The following CATIP variants were observed in gnomAD, a reference collection of about 807,000 sequenced individuals.
CATIP encodes the protein ciliogenesis associated TTC17 interacting protein, also known as ciliogenesis-associated TTC17-interacting protein.
Under a neutral mutation model 42.5 loss-of-function variants are expected in CATIP, and 40 were observed. The observed-to-expected ratio is 0.94, with a 90% CI of 0.73 to 1.22. The LOEUF is 1.22. Among genes scored for constraint, CATIP ranks in the 50% most tolerant of loss-of-function variants. The probability of loss-of-function intolerance (pLI) is 0.00; values close to 1 mark genes in which losing one functional copy is unlikely to be tolerated. For synonymous variants in CATIP, 222 were observed against 200.2 expected, an observed-to-expected ratio of 1.11 and a Z score of -0.92; for missense variants, 489 against 496.0, an observed-to-expected ratio of 0.99 and a Z score of 0.13.
rs955060857 is a variant in CATIP at position 218,364,813 on chromosome 2, C to T, written c.755+61C>T. On this transcript the variant is annotated intron_variant, in intron 7 of 9. Coordinates refer to ENST00000289388, the MANE Select transcript of CATIP (RefSeq NM_198559.2). Reference sequence around the variant, plus strand: ...TGAGCTTGTAGGTGCTCAAGGAGACCGGCTGCTTCTGGGGATAGCACCAGG... The same window carrying T: ...TGAGCTTGTAGGTGCTCAAGGAGACTGGCTGCTTCTGGGGATAGCACCAGG... The T allele has an allele frequency of 1.0e-5, 16 of 1,556,572 alleles. No individual in the cohort carries two copies. In the Admixed American group the frequency reaches 1.1e-4, roughly 11 times the overall value.
chr2:218,364,365 C>CA (rs1239789386), intron 6 of CATIP, among the ~76,000 whole-genome samples: 4 of 152,040 alleles, frequency 2.6e-5, no homozygotes, highest in African/African-American at 9.7e-5. Context: ...CCCACACCCC[C>CA]CCGCATACCG....
At chr2:218,360,924 G>A (rs1263716414) in intron 5 of CATIP, among the ~76,000 whole-genome samples, 9 of 149,480 alleles carry the variant, frequency 6.0e-5, no homozygotes, top group East Asian at 4.1e-4. Context: ...GCCACCTCCC[G>A]GGTTCAAGTG....
rs1695275947 is a variant in CATIP at position 218,362,649 on chromosome 2, C to A, written c.463-86C>A. 8 of 1,347,602 alleles carry A rather than the reference C, an allele frequency of 5.9e-6. No homozygotes were observed. In the South Asian group the frequency reaches 9.7e-5, roughly 16 times the overall value. The allele number at this position is 1,347,602 out of a possible 1,614,324, so 83.5% of individuals were successfully genotyped here. ...ACTCTGTCTCAAAAAAAAACAAAAC[C>A]GTATGCCCAACACCTGGCTTGCCCA... On this transcript the variant is annotated intron_variant, in intron 5 of 9. Transcript: ENST00000289388.
In CATIP at chr2:218,357,477, T is replaced by C. The variant is rs146310684; in HGVS notation, c.119-57T>C. 3.6e-4 allele frequency: 521 copies of C among 1,465,106 alleles called. 3 individuals carry two copies. The African/African-American group carries it at 6.6e-3, about 19-fold the overall frequency. 90.8% of individuals were successfully genotyped at this position (1,465,106 alleles called of 1,614,324 possible). On this transcript the variant is annotated intron_variant, in intron 2 of 9. Transcript: ENST00000289388. The stretch of plus-strand genomic sequence containing the variant: ...CACTGGTGGTCATGGGGTCAGAGGA[T>C]TGGATTGGGGCCCAGGAGCAGGGGC...
chr2:218,357,663 C>T lies in CATIP; in HGVS notation c.248C>T (p.Thr83Ile). 6.2e-7 allele frequency: 1 copy of T among 1,614,100 alleles called. No individual in the cohort carries two copies. The highest frequency in any genetic ancestry group is 1.1e-5 in the South Asian group (1 of 91,084). ...GKYQEKLGML[T>I]YCLFVHASSR... ...TACCAGGAAAAACTCGGCATGCTGACATACTGCCTCTTCGTGCATGCCTCT... is the reference window on the plus strand; with the variant it reads ...TACCAGGAAAAACTCGGCATGCTGATATACTGCCTCTTCGTGCATGCCTCT... The change falls in exon 3 of 10, where the codon ACA becomes ATA. Residue 83 changes from threonine (T) to isoleucine (I), a missense_variant. Thr to Ile is a moderately conservative substitution (Grantham distance 89). Transcript: ENST00000289388.
rs766727795 is a variant in CATIP at position 218,358,087 on chromosome 2, A to T, written c.370A>T (p.Ile124Phe). ...CATGGAACAGCACAGCCAAGACTTC[A>T]TCAAGGTACTTCCCAGGGCCCCAGC... ...ELMEQHSQDF[I>F]KFLILPMERK... The change falls in exon 4 of 10, where the codon ATC becomes TTC. Residue 124 changes from isoleucine to phenylalanine, a missense_variant. Coordinates refer to ENST00000289388, the MANE Select transcript of CATIP (RefSeq NM_198559.2). 6.2e-7 allele frequency: 1 copy of T among 1,613,890 alleles called. No homozygotes were observed. The highest frequency in any genetic ancestry group is 1.1e-5 in the South Asian group (1 of 91,052).
intron 5 of CATIP, among the ~76,000 whole-genome samples, chr2:218,361,073 C>T (rs536694747): frequency 2.0e-5 from 3 of 152,160 alleles, no homozygotes; most frequent in African/African-American, 7.2e-5. Context: ...TCAGGTGATC[C>T]GCCCGCCTCA....
chr2:218,363,981 A>G (rs1695333852), intron 6 of CATIP, among the ~76,000 whole-genome samples: 2 of 152,078 alleles, frequency 1.3e-5, no homozygotes, highest in South Asian at 2.1e-4. Flanking sequence ...ACTTCCTGCA[A>G]TCAGTGATTT....
intron 3 of CATIP, 83 bp downstream of exon 3, chr2:218,357,817 G>A: frequency 6.8e-7 from 1 of 1,463,262 alleles, no homozygotes; most frequent in Admixed American, 1.7e-5. Flanking sequence ...CTTTTTTCAG[G>A]ACCAAGCCCT....
chr2:218,363,914 TC>T (rs1695331326), intron 6 of CATIP, among the ~76,000 whole-genome samples: 1 of 152,234 alleles, frequency 6.6e-6, no homozygotes, highest in South Asian at 2.1e-4. Context: ...CAAAGGGTGT[TC>T]CGTTTTTGTT....
At chr2:218,357,936 C>A in intron 3 of CATIP, 101 bp from the exon 4 acceptor site, 1 of 1,197,484 alleles carries the variant, frequency 8.4e-7, no homozygotes, top group Non-Finnish European at 1.2e-6. Flanking sequence ...TTTTCTGGGA[C>A]CGTATTACAC....
At position 218,360,595 on chromosome 2, in the gene CATIP, G is replaced by C; in HGVS notation, c.398G>C (p.Arg133Pro). The C allele has an allele frequency of 6.2e-7, 1 of 1,613,888 alleles. No individual in the cohort carries two copies. The highest frequency in any genetic ancestry group is 8.5e-7 in the Non-Finnish European group (1 of 1,179,962). Residue 133 changes from arginine (R) to proline (P), a missense_variant, in exon 5 of 10, where the codon CGG becomes CCG. Arg to Pro is a moderately radical substitution (Grantham distance 103). Transcript: ENST00000289388. ...CAGTTCCTCATCCTCCCCATGGAACGGAAGATGAGTTTGCTGAAGCAGGAT... is the reference window on the plus strand; with the variant it reads ...CAGTTCCTCATCCTCCCCATGGAACCGAAGATGAGTTTGCTGAAGCAGGAT... ...FIKFLILPME[R>P]KMSLLKQDDQ... is the part of the protein sequence containing the mutation.
chr2:218,364,217 T>C (rs1295839247), intron 6 of CATIP, among the ~76,000 whole-genome samples: 1 of 152,202 alleles, frequency 6.6e-6, no homozygotes, highest in Non-Finnish European at 1.5e-5. Context: ...AACAGGGGTT[T>C]AAGTTTTAAT....
intron 2 of CATIP, 43 bp from the exon 3 acceptor site, chr2:218,357,491 A>T: frequency 6.5e-7 from 1 of 1,549,506 alleles, no homozygotes; most frequent in Non-Finnish European, 8.9e-7. Context: ...ATTGGGGCCC[A>T]GGAGCAGGGG....
intron 4 of CATIP, among the ~76,000 whole-genome samples, chr2:218,359,607 G>C (rs561187318): frequency 1.3e-5 from 2 of 152,072 alleles, no homozygotes; most frequent in African/African-American, 4.8e-5. Flanking sequence ...AGGAGGGCTG[G>C]TGTGGGCTGG....
chr2:218,363,889 ATT>A (rs1695330332), intron 6 of CATIP, among the ~76,000 whole-genome samples: 1 of 152,128 alleles, frequency 6.6e-6, no homozygotes, highest in Non-Finnish European at 1.5e-5. Flanking sequence ...ATATTCCTTT[ATT>A]ATTTCTTAAC....
chr2:218,364,438 G>C (rs1695353086), intron 6 of CATIP, among the ~76,000 whole-genome samples, 190 bp from the exon 7 acceptor site: 1 of 152,212 alleles, frequency 6.6e-6, no homozygotes, highest in Non-Finnish European at 1.5e-5. Context: ...TGACATGGGA[G>C]GGGTCAGGGC....
intron 9 of CATIP, 91 bp from the exon 10 acceptor site, chr2:218,367,631 C>A (rs7608923): frequency 0.58 from 915,677 of 1,589,474 alleles, 268,118 homozygotes; most frequent in East Asian, 0.68. Flanking sequence ...AAGGCTCCAG[C>A]GCCCCTTAGC....
intron 8 of CATIP, 153 bp downstream of exon 8, chr2:218,367,253 C>A: frequency 1.3e-6 from 1 of 773,314 alleles, no homozygotes; most frequent in Non-Finnish European, 2.1e-6. Context: ...AGCCCCTGAC[C>A]CCAAGCAATA....
Sources: allele counts gnomAD v4.1 joint callset (sites outside exome capture counted in the v4.1 genomes callset), GRCh38; gene constraint gnomAD v4.1.1; transcripts MANE v1.5; gene names NCBI Gene and HGNC (gene_info 2026-07-23, HGNC 2026-07-21).